Variants in COL5A1 observed in about 807,000 individuals in gnomAD.
COL5A1 encodes collagen type V alpha 1 chain, also known as collagen alpha-1(V) chain.
In COL5A1, 16 loss-of-function variants were observed where a neutral mutation model predicts 263.7. The observed-to-expected ratio is 0.06, with a 90% confidence interval of 0.04 to 0.09. COL5A1 has a LOEUF of 0.09. COL5A1 is among the 10% of genes least tolerant of loss of function. COL5A1 has a pLI of 1.00. For missense variants in COL5A1, 2,036 were observed against 2,540.5 expected (o/e 0.80, Z 4.27); for synonymous variants, 1,012 against 1,004.5 (o/e 1.01, Z -0.14).
Position 134,818,895 on chromosome 9 carries a change from C to T in COL5A1, c.4386C>T (p.Gly1462=), listed in dbSNP as rs759256816. Reference sequence around the variant, plus strand: ...CCCCAGGCCCGGACGGTCCCCCCGGCCCCATGGTGAGTCACATTCCTCATG... The same window carrying T: ...CCCCAGGCCCGGACGGTCCCCCCGGTCCCATGGTGAGTCACATTCCTCATG... ...PGSPGPDGPP[G]PMGPPGLPGL... Residue 1462 remains glycine (G), a synonymous_variant, in exon 56 of 66, where the codon GGC becomes GGT. Coordinates refer to ENST00000371817, the MANE Select transcript of COL5A1 (RefSeq NM_000093.5). This position sits in a 1 kb window ranked among gnomAD's most constrained non-coding sequence, Gnocchi z 6.0. 2.9e-5 allele frequency: 46 copies of T among 1,612,916 alleles called. No individual in the cohort carries two copies. The highest frequency in any genetic ancestry group is 9.3e-6 in the Non-Finnish European group (11 of 1,179,734).
intron 27 of COL5A1, among the ~76,000 whole-genome samples, 172 bp downstream of exon 27, chr9:134,775,084 G>A (rs1219843400): frequency 6.6e-6 from 1 of 152,242 alleles, no homozygotes; most frequent in Non-Finnish European, 1.5e-5. Flanking sequence ...AGGACAGCGG[G>A]CCTGAGCAGG....
At chr9:134,668,366 T>C (rs1310525477) in intron 1 of COL5A1, among the ~76,000 whole-genome samples, 1 of 152,146 alleles carries the variant, frequency 6.6e-6, no homozygotes, top group Non-Finnish European at 1.5e-5. Flanking sequence ...AAGAGGAGGA[T>C]TCCAGGTCTG....
At chr9:134,825,927 G>A in intron 63 of COL5A1, 23 bp downstream of exon 63, 1 of 1,524,550 alleles carries the variant, frequency 6.6e-7, no homozygotes, top group Non-Finnish European at 9.1e-7. Flanking sequence ...GTCCCTCCAT[G>A]GCCCCAGCGG....
At chr9:134,665,763 G>A (rs1832337268) in intron 1 of COL5A1, among the ~76,000 whole-genome samples, 1 of 152,194 alleles carries the variant, frequency 6.6e-6, no homozygotes, top group Non-Finnish European at 1.5e-5. Flanking sequence ...TGGCTGAAAT[G>A]ACTTAGTCAA....
rs11103515 is a variant in COL5A1 at position 134,765,264 on chromosome 9, G to A, written c.2035-417G>A. On this transcript the variant is annotated intron_variant, in intron 20 of 65. Transcript: ENST00000371817. The surrounding 1 kb of genome is among the most constrained non-coding windows in gnomAD (Gnocchi z 5.1). The stretch of plus-strand genomic sequence containing the variant: ...GATATCATAAAAACAATCGTATGTC[G>A]CTGCGGAGGGGAATTCAGGAGCGAG... Among the ~76,000 whole-genome samples the A allele has an allele frequency of 5.3e-5, 8 of 152,212 alleles. No homozygotes were observed. Among genetic ancestry groups the A allele is most frequent in the East Asian group, 3.9e-4 (2 of 5,176 alleles).
At position 134,727,364 on chromosome 9, in the gene COL5A1, C is replaced by A. The variant is rs374813957; in HGVS notation, c.753C>A (p.Thr251=). The A allele has an allele frequency of 5.6e-6, 9 of 1,614,076 alleles. No homozygotes were observed. Among genetic ancestry groups the A allele is most frequent in the Non-Finnish European group, 2.5e-6 (3 of 1,179,976 alleles). The change falls in exon 5 of 66, where the codon ACC becomes ACA. Residue 251 remains threonine (T), a synonymous_variant. Transcript: ENST00000371817. The stretch of plus-strand genomic sequence containing the variant: ...ACTGTGACACCGCAGTACCTGACAC[C>A]CCACAGTCGCAGGACCCCAATCCAG... The part of the protein sequence containing the change: ...SPDCDTAVPD[T]PQSQDPNPDE...
rs373594322 is a variant in COL5A1, at chr9:134,730,445, C to T, written c.1134C>T (p.Thr378=). Residue 378 remains threonine, a synonymous_variant, in exon 7 of 66, where the codon ACC becomes ACT. Transcript: ENST00000371817. The stretch of plus-strand genomic sequence containing the variant: ...CAGGCGCTGGGGCCGAAATTCCCAC[C>T]AGCACCGCCGACACCTCCAACTCCT... The part of the protein sequence containing the change: ...TDPGAGAEIP[T]STADTSNSSN... 6.6e-5 allele frequency: 106 copies of T among 1,614,002 alleles called. No individual in the cohort carries two copies. Among genetic ancestry groups the T allele is most frequent in the Non-Finnish European group, 7.9e-5 (93 of 1,180,034 alleles).
In COL5A1 at chr9:134,802,873, T is replaced by C; in HGVS notation, c.3007-15T>C. On this transcript the variant is annotated splice_polypyrimidine_tract_variant and intron_variant, in intron 38 of 65. Coordinates refer to ENST00000371817, the MANE Select transcript of COL5A1 (RefSeq NM_000093.5). The stretch of plus-strand genomic sequence containing the variant: ...CACTCGAAACGTCTGTGGCTGACAC[T>C]GATTTTCCCCACAGGGTCCCACGGG... 6.3e-7 allele frequency: 1 copy of C among 1,596,896 alleles called. No homozygotes were observed. Among genetic ancestry groups the C allele is most frequent in the African/African-American group, 1.3e-5 (1 of 74,736 alleles).
intron 27 of COL5A1, among the ~76,000 whole-genome samples, chr9:134,777,703 G>C (rs1047726861): frequency 2.6e-5 from 4 of 152,198 alleles, no homozygotes; most frequent in Non-Finnish European, 5.9e-5. Flanking sequence ...CAGGGCATGG[G>C]CAGGGAGGGA....
intron 63 of COL5A1, 53 bp downstream of exon 63, chr9:134,825,957 G>C (rs1839248244): frequency 8.5e-7 from 1 of 1,181,044 alleles, no homozygotes; most frequent in African/African-American, 1.5e-5. Context: ...CACAGACAGG[G>C]CCATGCCGAG....
At chr9:134,709,070 C>G in intron 4 of COL5A1, 1 of 397,612 alleles carries the variant, frequency 2.5e-6, no homozygotes, top group Non-Finnish European at 5.1e-6. Context: ...TTCATTCCAT[C>G]TGCAGTGATC....
At chr9:134,835,242 G>A (rs775303468) in intron 65 of COL5A1, 38 bp downstream of exon 65, 46 of 1,564,150 alleles carry the variant, frequency 2.9e-5, no homozygotes, top group African/African-American at 2.6e-4. Flanking sequence ...CCCTGCTCAC[G>A]CCTCCGTGGG....
At chr9:134,839,049 G>A (rs1308116402) in intron 65 of COL5A1, among the ~76,000 whole-genome samples, 1 of 152,242 alleles carries the variant, frequency 6.6e-6, no homozygotes, top group Non-Finnish European at 1.5e-5. Flanking sequence ...CCCGAACTCG[G>A]GCCAGCGGCA....
chr9:134,693,705 G>A (rs1352779826), intron 2 of COL5A1, among the ~76,000 whole-genome samples: 1 of 152,142 alleles, frequency 6.6e-6, no homozygotes, highest in Non-Finnish European at 1.5e-5. Flanking sequence ...CCGGCCCTCC[G>A]AGCAAACTCG....
chr9:134,699,140 G>T (rs757255139), intron 2 of COL5A1, among the ~76,000 whole-genome samples: 56 of 152,196 alleles, frequency 3.7e-4, no homozygotes, highest in Non-Finnish European at 6.6e-4. Flanking sequence ...TGGACAGGAG[G>T]GGCTGGGGCT....
intron 26 of COL5A1, among the ~76,000 whole-genome samples, chr9:134,773,325 T>A (rs983210571): frequency 6.6e-6 from 1 of 151,740 alleles, no homozygotes; most frequent in East Asian, 1.9e-4. Context: ...GAGGGTCCCA[T>A]GCAGCACGTC....
rs752468183 is a variant in COL5A1 at position 134,817,801 on chromosome 9, C to T, written c.4200C>T (p.Pro1400=). ...AGGGTCCCCCAGGCCCCGCAGGCCC[C>T]GAAGGCAGACAGGGAGAGAAAGGGG... ...GKRGPPGPAG[P]EGRQGEKGAK... is the part of the protein sequence containing the mutation. Residue 1400 remains proline (P), a synonymous_variant, in exon 54 of 66, where the codon CCC becomes CCT. Coordinates refer to ENST00000371817, the MANE Select transcript of COL5A1 (RefSeq NM_000093.5). 34 of 1,611,726 alleles carry T rather than the reference C, an allele frequency of 2.1e-5. No homozygotes were observed. Among genetic ancestry groups the T allele is most frequent in the East Asian group, 1.6e-4 (7 of 44,790 alleles).
chr9:134,835,734 G>A (rs1839830308), intron 65 of COL5A1, among the ~76,000 whole-genome samples: 1 of 152,326 alleles, frequency 6.6e-6, no homozygotes, highest in Admixed American at 6.5e-5. Context: ...GCGGCGGGAG[G>A]CTTGCTGAGA....
At chr9:134,786,907 GA>G (rs1837480461) in intron 31 of COL5A1, among the ~76,000 whole-genome samples, 1 of 152,182 alleles carries the variant, frequency 6.6e-6, no homozygotes, top group African/African-American at 2.4e-5. Context: ...GTGGTGGGCT[GA>G]GGCTGCCCTC....
Sources: allele counts gnomAD v4.1 joint callset (sites outside exome capture counted in the v4.1 genomes callset), GRCh38; gene constraint gnomAD v4.1.1; non-coding constraint Gnocchi (gnomAD v3.1); transcripts MANE v1.5; gene names NCBI Gene and HGNC (gene_info 2026-07-23, HGNC 2026-07-21).